Variants in CACNA1A observed in about 807,000 individuals in gnomAD.
CACNA1A encodes the protein voltage-dependent P/Q-type calcium channel subunit alpha-1A.
Under a neutral mutation model 262.4 loss-of-function variants are expected in CACNA1A, and 57 were observed. The ratio of observed to expected loss-of-function variants is 0.22; its 90% CI spans 0.18 to 0.27. CACNA1A has a LOEUF of 0.27. CACNA1A is among the 10% of genes least tolerant of loss of function. The pLI, the probability that CACNA1A is intolerant of heterozygous loss-of-function variation, is 1.00. For synonymous variants in CACNA1A, 1,431 were observed against 1,419.3 expected (o/e 1.01, Z -0.18); for missense variants, 2,526 against 3,562.8 (o/e 0.71, Z 7.41).
At chr19:13,492,547 A>G (rs1440360467) in intron 1 of CACNA1A, among the ~76,000 whole-genome samples, 2 of 152,180 alleles carry the variant, frequency 1.3e-5, no homozygotes, top group South Asian at 4.1e-4. Flanking sequence ...CTAGGGAAAC[A>G]GTGACAGAAG....
chr19:13,311,729 C>T (rs968607499), intron 12 of CACNA1A, among the ~76,000 whole-genome samples: 42 of 151,974 alleles, frequency 2.8e-4, no homozygotes, highest in African/African-American at 9.9e-4. Context: ...CCCAGCTACT[C>T]GGGAGGCTGA....
intron 3 of CACNA1A, among the ~76,000 whole-genome samples, chr19:13,421,433 A>G (rs2060314174): frequency 6.6e-6 from 1 of 152,268 alleles, no homozygotes; most frequent in Admixed American, 6.5e-5. Context: ...GAAGGAAAGC[A>G]GATAATTTAA....
intron 1 of CACNA1A, among the ~76,000 whole-genome samples, chr19:13,460,054 C>T (rs189772298): frequency 8.7e-4 from 132 of 152,222 alleles, no homozygotes; most frequent in African/African-American, 2.8e-3. Flanking sequence ...CATCATCCCC[C>T]CTCCCTCTGC....
intron 1 of CACNA1A, among the ~76,000 whole-genome samples, chr19:13,504,571 G>C (rs1161852282): frequency 6.6e-6 from 1 of 152,040 alleles, no homozygotes; most frequent in Non-Finnish European, 1.5e-5. Flanking sequence ...ACAGGGCCCA[G>C]CCCCGTTTAG....
chr19:13,396,838 T>C (rs1057214350), intron 3 of CACNA1A, among the ~76,000 whole-genome samples: 1 of 146,172 alleles, frequency 6.8e-6, no homozygotes. Flanking sequence ...TCCGGTTTGG[T>C]TTGGCTGAGG....
intron 1 of CACNA1A, among the ~76,000 whole-genome samples, chr19:13,455,680 G>C (rs201477847): frequency 6.6e-6 from 1 of 152,032 alleles, no homozygotes; most frequent in East Asian, 1.9e-4. Context: ...GAAGACTATA[G>C]ACAGTGGAAG....
chr19:13,227,398 C>G, intron 37 of CACNA1A, 33 bp downstream of exon 37: 1 of 1,136,464 alleles, frequency 8.8e-7, no homozygotes, highest in Non-Finnish European at 1.3e-6. Flanking sequence ...AAACCCAGTG[C>G]CTGGACGTCG....
intron 3 of CACNA1A, among the ~76,000 whole-genome samples, chr19:13,411,131 A>G (rs10417582): frequency 0.056 from 8,522 of 152,208 alleles, 561 homozygotes; most frequent in African/African-American, 0.16. Flanking sequence ...TAATGGCAAA[A>G]CCGCAATTAC....
chr19:13,289,123 T>C (rs1287023618), intron 19 of CACNA1A, among the ~76,000 whole-genome samples: 2 of 150,946 alleles, frequency 1.3e-5, no homozygotes, highest in African/African-American at 2.4e-5. Flanking sequence ...TGACCTGGGT[T>C]TGAATCTCGG....
At chr19:13,319,404 CCATCCATTCGCT>C (rs772585355) in intron 10 of CACNA1A, among the ~76,000 whole-genome samples, 1 of 152,150 alleles carries the variant, frequency 6.6e-6, no homozygotes, top group Non-Finnish European at 1.5e-5. Context: ...ATCCATTCAT[CCATCCATTCGCT>C]CATCCATTCA....
Position 13,365,347 on chromosome 19 carries a change from A to G in CACNA1A, c.754T>C (p.Phe252Leu). The change falls in exon 5 of 47, where the codon TTT becomes CTT. Residue 252 changes from phenylalanine (F) to leucine (L), a missense_variant. Coordinates refer to ENST00000360228, the MANE Select transcript of CACNA1A (RefSeq NM_001127222.2). ...CCCTCTTCAAAGCAGGTGGTATGAA[A>G]TTTTCCCATATAAAATTCTAACCCT... ...IIGLEFYMGKFHTTCFEEGTD... is the reference protein window; with the variant it reads ...IIGLEFYMGKLHTTCFEEGTD... 6.2e-7 allele frequency: 1 copy of G among 1,613,504 alleles called. No individual in the cohort carries two copies. Among genetic ancestry groups the G allele is most frequent in the Non-Finnish European group, 8.5e-7 (1 of 1,179,594 alleles).
chr19:13,267,666 G>T (rs928304044), intron 24 of CACNA1A, among the ~76,000 whole-genome samples: 1 of 152,114 alleles, frequency 6.6e-6, no homozygotes, highest in Non-Finnish European at 1.5e-5. Context: ...GCCCAGACTG[G>T]GTGCCGTGGC....
chr19:13,393,351 G>A (rs1334789266), intron 3 of CACNA1A, among the ~76,000 whole-genome samples: 2 of 152,232 alleles, frequency 1.3e-5, no homozygotes, highest in African/African-American at 4.8e-5. Flanking sequence ...AGGGAAAGAA[G>A]TCAATGCATG....
At chr19:13,297,063 T>C (rs542274669) in intron 19 of CACNA1A, among the ~76,000 whole-genome samples, 9 of 152,276 alleles carry the variant, frequency 5.9e-5, no homozygotes, top group African/African-American at 1.4e-4. Context: ...ATTAGGTAAA[T>C]AGAGTTGGCT....
At chr19:13,263,986 G>A (rs896062280) in intron 24 of CACNA1A, among the ~76,000 whole-genome samples, 2 of 152,104 alleles carry the variant, frequency 1.3e-5, no homozygotes, top group African/African-American at 2.4e-5. Context: ...ACCGGGTGCC[G>A]CTGTTTTCAG....
intron 15 of CACNA1A, 30 bp from the exon 16 acceptor site, chr19:13,303,914 A>C (rs1600283855): frequency 1.3e-6 from 2 of 1,483,328 alleles, no homozygotes; most frequent in Non-Finnish European, 1.9e-6. Context: ...CACACAGCCA[A>C]CCCCCCTCTC....
chr19:13,298,864 G>C lies in CACNA1A; in HGVS notation c.2769C>G (p.Gly923=), dbSNP rs1272599162. 35 of 1,591,070 alleles carry C rather than the reference G, an allele frequency of 2.2e-5. No individual in the cohort carries two copies. The highest frequency in any genetic ancestry group is 3.0e-5 in the Non-Finnish European group (35 of 1,176,788). ...PGFWEGEAER[G]KAGDPHRRHV... is the part of the protein sequence containing the mutation. ...GCCTCCGGTGGGGGTCCCCGGCCTT[G>C]CCTCGCTCGGCCTCGCCCTCCCAGA... Residue 923 remains glycine, a synonymous_variant, in exon 19 of 47, where the codon GGC becomes GGG. Coordinates refer to ENST00000360228, the MANE Select transcript of CACNA1A (RefSeq NM_001127222.2).
chr19:13,264,587 C>T (rs2056817832), intron 24 of CACNA1A, among the ~76,000 whole-genome samples: 1 of 152,186 alleles, frequency 6.6e-6, no homozygotes, highest in South Asian at 2.1e-4. Context: ...TATCTCAAGC[C>T]CCAGCCACAT....
At chr19:13,408,173 C>T (rs1339443052) in intron 3 of CACNA1A, among the ~76,000 whole-genome samples, 2 of 152,062 alleles carry the variant, frequency 1.3e-5, no homozygotes, top group Non-Finnish European at 2.9e-5. Context: ...CAAACGAATA[C>T]ACTGGGCAAC....
Sources: gnomAD v4.1 joint callset for allele counts (sites outside exome capture counted in the v4.1 genomes callset) on GRCh38, gnomAD v4.1.1 for gene constraint, MANE v1.5 for transcripts, NCBI Gene and HGNC (gene_info 2026-07-23, HGNC 2026-07-21) for gene names.